Variants in GALNTL6 observed in about 807,000 individuals in gnomAD.
GALNTL6 encodes polypeptide N-acetylgalactosaminyltransferase-like 6.
Under a neutral mutation model 73.7 loss-of-function variants are expected in GALNTL6, and 46 were observed. The observed-to-expected ratio is 0.62, with a 90% confidence interval of 0.49 to 0.80. The LOEUF (loss-of-function observed/expected upper bound fraction) is 0.80, where lower values mean the gene tolerates loss of function less well. Among genes scored for constraint, GALNTL6 ranks in the 30% least tolerant of loss-of-function variants. GALNTL6 has a pLI of 0.00. For synonymous variants in GALNTL6, 259 were observed against 263.7 expected, an observed-to-expected ratio of 0.98 and a Z score of 0.17; for missense variants, 604 against 755.0, an observed-to-expected ratio of 0.80 and a Z score of 2.34.
At chr4:173,030,161 G>A (rs1230927810) in intron 12 of GALNTL6, among the ~76,000 whole-genome samples, 2 of 149,602 alleles carry the variant, frequency 1.3e-5, no homozygotes, top group East Asian at 3.9e-4. Context: ...GTTATCCTAA[G>A]AAGTTGTGAT....
intron 5 of GALNTL6, among the ~76,000 whole-genome samples, chr4:172,670,361 G>A (rs9991230): frequency 0.015 from 2,254 of 151,964 alleles, 63 homozygotes; most frequent in African/African-American, 0.052. Flanking sequence ...GTGTGAGATG[G>A]TATCTAATTT....
At position 172,166,354 on chromosome 4, in the gene GALNTL6, G is replaced by C. The variant is rs147342425; in HGVS notation, c.139-63302G>C. Among the ~76,000 whole-genome samples, 762 of 152,136 alleles carry C rather than the reference G, an allele frequency of 5.0e-3. 9 individuals are homozygous for C. The highest frequency in any genetic ancestry group is 0.018 in the African/African-American group (727 of 41,498). On this transcript the variant is annotated intron_variant, in intron 2 of 12. Coordinates refer to ENST00000506823, the MANE Select transcript of GALNTL6 (RefSeq NM_001034845.3). ...CCAGATACTCTGGAGGCTGAGGCAG[G>C]AGAATCGCTTGAACCCAGGAGGCGG...
intron 10 of GALNTL6, among the ~76,000 whole-genome samples, chr4:172,965,630 A>ACC (rs748751557): frequency 0.13 from 19,001 of 151,800 alleles, 1,250 homozygotes; most frequent in Non-Finnish European, 0.15. Flanking sequence ...AAAAAAAAAA[A>ACC]ACAATTTTAA....
rs114344297 is a variant in GALNTL6, at chr4:172,709,019, A to G, written c.554-100342A>G. On this transcript the variant is annotated intron_variant, in intron 5 of 12. Coordinates refer to ENST00000506823, the MANE Select transcript of GALNTL6 (RefSeq NM_001034845.3). ...CATTCTTTTGAAAACAATTTTTTCT[A>G]TATTGTTCTATTGGCTTCTATTATT... Among the ~76,000 whole-genome samples the G allele has an allele frequency of 8.1e-3, 1,228 of 152,270 alleles. 17 individuals carry two copies. The highest frequency in any genetic ancestry group is 0.029 in the African/African-American group (1,187 of 41,550).
chr4:172,095,161 A>G (rs1314373620), intron 2 of GALNTL6, among the ~76,000 whole-genome samples: 2 of 146,292 alleles, frequency 1.4e-5, no homozygotes, highest in African/African-American at 5.1e-5. Context: ...TCAAAAAATA[A>G]AATAATGTCA....
chr4:172,321,400 A>G (rs890824760), intron 4 of GALNTL6, among the ~76,000 whole-genome samples: 6 of 152,214 alleles, frequency 3.9e-5, no homozygotes, highest in Non-Finnish European at 8.8e-5. Flanking sequence ...CTTATAAGCC[A>G]TGCAAAGAAA....
At chr4:172,264,321 G>A (rs1470965247) in intron 3 of GALNTL6, among the ~76,000 whole-genome samples, 2 of 150,796 alleles carry the variant, frequency 1.3e-5, no homozygotes, top group African/African-American at 2.4e-5. Context: ...CTCATATGCT[G>A]TTTAAAACTT....
At chr4:173,007,395 T>A (rs1752349858) in intron 10 of GALNTL6, among the ~76,000 whole-genome samples, 1 of 152,208 alleles carries the variant, frequency 6.6e-6, no homozygotes, top group African/African-American at 2.4e-5. Flanking sequence ...AGGATTAAGA[T>A]CATTGACTTT....
chr4:171,870,777 A>G (rs1023658064), intron 2 of GALNTL6, among the ~76,000 whole-genome samples: 3 of 152,206 alleles, frequency 2.0e-5, no homozygotes, highest in African/African-American at 7.2e-5. Flanking sequence ...GGGGAGGTCT[A>G]TGCTGAGATT....
intron 5 of GALNTL6, among the ~76,000 whole-genome samples, chr4:172,468,491 A>G (rs1337894430): frequency 6.6e-6 from 1 of 152,210 alleles, no homozygotes; most frequent in African/African-American, 2.4e-5. Context: ...ATGAAAGTAA[A>G]TTGTCCTTCC....
intron 7 of GALNTL6, among the ~76,000 whole-genome samples, chr4:172,836,842 G>T (rs923594265): frequency 6.6e-6 from 1 of 152,122 alleles, no homozygotes; most frequent in Non-Finnish European, 1.5e-5. Context: ...GAACATTGAT[G>T]ATCTAATTGC....
intron 8 of GALNTL6, among the ~76,000 whole-genome samples, chr4:172,923,026 G>A (rs1295075764): frequency 6.6e-6 from 1 of 152,166 alleles, no homozygotes; most frequent in Non-Finnish European, 1.5e-5. Context: ...GAGAGGAGGG[G>A]AAACACCTAT....
rs34783084 is a variant in GALNTL6, at chr4:172,219,199, GTATATATATA to G, written c.139-10442_139-10433del. 1.3e-4 allele frequency among the ~76,000 whole-genome samples: 15 copies of G among 116,212 alleles called. No individual in the cohort carries two copies. The South Asian group carries it at 1.5e-3, about 12-fold the overall frequency. The allele number at this position is 116,212 out of a possible 152,430, so 76.2% of individuals were successfully genotyped here. ...ATATAATATGTCAGATTAAGCAAGT[GTATATATATA>G]TATATATATATATAATCCTTCTGTT... On this transcript the variant is annotated intron_variant, in intron 2 of 12. Coordinates refer to ENST00000506823, the MANE Select transcript of GALNTL6 (RefSeq NM_001034845.3).
intron 5 of GALNTL6, among the ~76,000 whole-genome samples, chr4:172,727,467 T>C (rs1735887116): frequency 6.6e-6 from 1 of 152,062 alleles, no homozygotes; most frequent in South Asian, 2.1e-4. Flanking sequence ...GCATGAGATA[T>C]GTATTTAATC....
chr4:172,203,478 G>A (rs1374740625), intron 2 of GALNTL6, among the ~76,000 whole-genome samples: 1 of 152,092 alleles, frequency 6.6e-6, no homozygotes, highest in Non-Finnish European at 1.5e-5. Flanking sequence ...ACAGACCTTT[G>A]TTATAGGGTA....
At chr4:172,663,856 G>A (rs999404372) in intron 5 of GALNTL6, among the ~76,000 whole-genome samples, 2 of 151,788 alleles carry the variant, frequency 1.3e-5, no homozygotes, top group Admixed American at 6.6e-5. Context: ...CTTGAACCTG[G>A]GAGGCAGAGG....
intron 5 of GALNTL6, among the ~76,000 whole-genome samples, chr4:172,686,420 C>T (rs987788983): frequency 6.6e-6 from 1 of 152,146 alleles, no homozygotes; most frequent in Admixed American, 6.5e-5. Context: ...TTCATGGAAG[C>T]TTTGTTATTC....
At chr4:172,984,840 A>C (rs1352894613) in intron 10 of GALNTL6, among the ~76,000 whole-genome samples, 1 of 152,208 alleles carries the variant, frequency 6.6e-6, no homozygotes, top group Non-Finnish European at 1.5e-5. Flanking sequence ...AGGAAGTTAT[A>C]ATTGCTCTAG....
At chr4:172,063,735 T>TA (rs756143277) in intron 2 of GALNTL6, among the ~76,000 whole-genome samples, 34 of 152,226 alleles carry the variant, frequency 2.2e-4, no homozygotes, top group Non-Finnish European at 4.6e-4. Context: ...GTGTTACCTG[T>TA]ACTTATACGT....
Sources: allele counts gnomAD v4.1 joint callset (sites outside exome capture counted in the v4.1 genomes callset), GRCh38; gene constraint gnomAD v4.1.1; transcripts MANE v1.5; gene names NCBI Gene and HGNC (gene_info 2026-07-23, HGNC 2026-07-21).